AKT3: variants seen among roughly 807,000 people sequenced by gnomAD.
AKT3 encodes RAC-gamma serine/threonine-protein kinase.
AKT3 carries 15 observed loss-of-function variants against 65.3 expected under a neutral mutation model. The observed-to-expected ratio is 0.23, with a 90% confidence interval of 0.15 to 0.35. The LOEUF (loss-of-function observed/expected upper bound fraction) is 0.35. Ranked by LOEUF, AKT3 falls within the 10% of genes least tolerant of loss-of-function variation. The pLI is 1.00. For synonymous variants in AKT3, 206 were observed against 183.8 expected, an observed-to-expected ratio of 1.12 and a Z score of -0.98; for missense variants, 243 against 576.5, an observed-to-expected ratio of 0.42 and a Z score of 5.92.
intron 12 of AKT3, among the ~76,000 whole-genome samples, chr1:243,537,950 C>T (rs768195562): frequency 2.0e-5 from 3 of 152,040 alleles, no homozygotes; most frequent in Admixed American, 6.6e-5. Flanking sequence ...TGAATTTTTC[C>T]AAACCCAGGG....
intron 8 of AKT3, among the ~76,000 whole-genome samples, chr1:243,599,776 C>A (rs543424502): frequency 3.9e-5 from 6 of 152,158 alleles, no homozygotes; most frequent in South Asian, 2.1e-4. Context: ...AGGTATAAAG[C>A]AAGGATATTT....
At chr1:243,818,947 G>A (rs1299538285) in intron 2 of AKT3, among the ~76,000 whole-genome samples, 1 of 152,236 alleles carries the variant, frequency 6.6e-6, no homozygotes, top group African/African-American at 2.4e-5. Context: ...CCTCAGCCAA[G>A]GGAGGCAGTG....
At chr1:243,551,074 A>G (rs1673034312) in intron 11 of AKT3, among the ~76,000 whole-genome samples, 1 of 152,004 alleles carries the variant, frequency 6.6e-6, no homozygotes, top group Admixed American at 6.6e-5. Flanking sequence ...AACGGAACAC[A>G]TTTCAAAACT....
chr1:243,767,742 G>C (rs1689923771), intron 2 of AKT3, among the ~76,000 whole-genome samples: 2 of 152,138 alleles, frequency 1.3e-5, no homozygotes, highest in South Asian at 2.1e-4. Flanking sequence ...GATTGGTCAT[G>C]AGTTGAAAAT....
chr1:243,646,049 A>T lies in AKT3; in HGVS notation c.285-12T>A. On this transcript the variant is annotated splice_polypyrimidine_tract_variant and intron_variant, in intron 4 of 13. Coordinates refer to ENST00000673466, the MANE Select transcript of AKT3 (RefSeq NM_005465.7). ...CTGTCCATTCTTCCCTATAAAAATG[A>T]GTAAAATTTCCCATTAATAGAAGAT... The T allele has an allele frequency of 6.3e-7, 1 of 1,578,218 alleles. No individual in the cohort carries two copies. The highest frequency in any genetic ancestry group is 8.6e-7 in the Non-Finnish European group (1 of 1,167,954).
At chr1:243,604,334 G>T (rs1283582741) in intron 8 of AKT3, among the ~76,000 whole-genome samples, 1 of 152,090 alleles carries the variant, frequency 6.6e-6, no homozygotes, top group African/African-American at 2.4e-5. Flanking sequence ...TTCCCCCAAA[G>T]AAATTCTTCC....
chr1:243,624,682 C>T (rs556442917), intron 6 of AKT3: 81 of 201,316 alleles, frequency 4.0e-4, no homozygotes, highest in South Asian at 4.1e-4. Flanking sequence ...TAGTGGTGAA[C>T]GGCAACCACA....
intron 2 of AKT3, among the ~76,000 whole-genome samples, chr1:243,759,371 TAATAC>T (rs1218268689): frequency 6.6e-6 from 1 of 151,556 alleles, no homozygotes; most frequent in African/African-American, 2.4e-5. Context: ...TAAAATAAAA[TAATAC>T]AAGGACAAAT....
chr1:243,628,647 T>C (rs1252791913), intron 6 of AKT3, among the ~76,000 whole-genome samples: 1 of 152,180 alleles, frequency 6.6e-6, no homozygotes, highest in African/African-American at 2.4e-5. Context: ...TCTGTAAAGC[T>C]ACCAGATCCT....
At chr1:243,615,253 C>T in intron 6 of AKT3, 92 bp from the exon 7 acceptor site, 9 of 960,476 alleles carry the variant, frequency 9.4e-6, no homozygotes, top group Admixed American at 2.5e-5. Context: ...GAGGTTAAGC[C>T]CAGAGATTGA....
chr1:243,694,392 T>A (rs886300347), intron 3 of AKT3, among the ~76,000 whole-genome samples: 1 of 152,108 alleles, frequency 6.6e-6, no homozygotes, highest in Non-Finnish European at 1.5e-5. Context: ...TAATTTTCTA[T>A]TGAAAGAAAA....
intron 12 of AKT3, among the ~76,000 whole-genome samples, chr1:243,514,985 C>CT (rs1220776205): frequency 6.6e-6 from 1 of 152,202 alleles, no homozygotes; most frequent in Non-Finnish European, 1.5e-5. Flanking sequence ...CAGGCCATGA[C>CT]TGACATACTT....
intron 2 of AKT3, among the ~76,000 whole-genome samples, chr1:243,812,039 T>C (rs1158056209): frequency 1.3e-5 from 2 of 152,204 alleles, no homozygotes; most frequent in Non-Finnish European, 2.9e-5. Flanking sequence ...GATTAAAGAC[T>C]TAAATGTTAG....
At chr1:243,704,410 G>A (rs1685661246) in intron 2 of AKT3, among the ~76,000 whole-genome samples, 1 of 152,052 alleles carries the variant, frequency 6.6e-6, no homozygotes, top group South Asian at 2.1e-4. Context: ...AGCTGTGAGA[G>A]GTGGAGAAGA....
chr1:243,661,283 C>A (rs961048277), intron 4 of AKT3, among the ~76,000 whole-genome samples: 2 of 152,122 alleles, frequency 1.3e-5, no homozygotes, highest in Non-Finnish European at 2.9e-5. Flanking sequence ...AAGCTGGAGG[C>A]ATCATGCTAC....
At chr1:243,751,488 T>C (rs948807059) in intron 2 of AKT3, among the ~76,000 whole-genome samples, 28 of 152,150 alleles carry the variant, frequency 1.8e-4, no homozygotes, top group African/African-American at 6.5e-4. Flanking sequence ...GAATGCTATA[T>C]TCATCTTTTA....
chr1:243,606,193 G>A (rs1677399074), intron 8 of AKT3, among the ~76,000 whole-genome samples: 1 of 152,190 alleles, frequency 6.6e-6, no homozygotes, highest in Non-Finnish European at 1.5e-5. Flanking sequence ...CACAGAGAGT[G>A]TGGTGCTGCT....
chr1:243,539,089 A>C (rs1672117821), intron 12 of AKT3, among the ~76,000 whole-genome samples: 1 of 152,148 alleles, frequency 6.6e-6, no homozygotes, highest in African/African-American at 2.4e-5. Flanking sequence ...CTGGTAGAAC[A>C]ATTTATGCAA....
intron 2 of AKT3, among the ~76,000 whole-genome samples, chr1:243,737,871 C>T (rs1375446857): frequency 2.0e-5 from 3 of 152,148 alleles, no homozygotes; most frequent in African/African-American, 7.2e-5. Flanking sequence ...GTAGGATGCA[C>T]TTGTAAATTA....
Sources: gnomAD v4.1 joint callset for allele counts (sites outside exome capture counted in the v4.1 genomes callset) on GRCh38, gnomAD v4.1.1 for gene constraint, MANE v1.5 for transcripts, NCBI Gene and HGNC (gene_info 2026-07-23, HGNC 2026-07-21) for gene names.